The following CFI variants were observed in gnomAD, a reference collection of about 807,000 sequenced individuals.
CFI encodes the protein complement factor I, also known as C3B/C4B inactivator.
Under a neutral mutation model 78.8 loss-of-function variants are expected in CFI, and 66 were observed. That is an observed-to-expected ratio of 0.84 (90% CI 0.69 to 1.03). The LOEUF is 1.03. CFI is among the 50% of genes least tolerant of loss of function. CFI has a pLI of 0.00. For synonymous variants in CFI, 250 were observed against 232.6 expected (o/e 1.07, Z -0.68); for missense variants, 706 against 704.5 (o/e 1.00, Z -0.02).
intron 1 of CFI, among the ~76,000 whole-genome samples, chr4:109,782,378 C>T (rs1014830600): frequency 6.7e-6 from 1 of 149,262 alleles, no homozygotes; most frequent in African/African-American, 2.5e-5. Context: ...TATACACCAA[C>T]AGCGACCAAG....
intron 1 of CFI, chr4:109,793,455 T>C (rs1478440726): frequency 6.6e-6 from 1 of 152,276 alleles, no homozygotes; most frequent in Non-Finnish European, 1.5e-5. Context: ...TTCTTCATAT[T>C]ACTTCAAGTA....
intron 1 of CFI, among the ~76,000 whole-genome samples, chr4:109,771,121 G>A (rs567935462): frequency 1.3e-5 from 2 of 152,144 alleles, no homozygotes; most frequent in South Asian, 2.1e-4. Context: ...GCCAGGCGCA[G>A]TGGCTCATTC....
chr4:109,749,154 A>G, intron 10 of CFI, 64 bp downstream of exon 10: 4 of 1,367,282 alleles, frequency 2.9e-6, no homozygotes, highest in Non-Finnish European at 4.2e-6. Flanking sequence ...ATCATCTGCC[A>G]CAATCTCTAT....
At chr4:109,738,682 G>T (rs1311411402), downstream of CFI, among the ~76,000 whole-genome samples, 1 of 152,162 alleles carries the variant, frequency 6.6e-6, no homozygotes, top group East Asian at 1.9e-4. Context: ...TAGGAAGTCT[G>T]GTGCCCCCGG....
At chr4:109,778,236 C>G (rs879279714) in intron 1 of CFI, among the ~76,000 whole-genome samples, 9 of 151,948 alleles carry the variant, frequency 5.9e-5, no homozygotes, top group Admixed American at 4.6e-4. Context: ...AGACTGCTAG[C>G]AAGACTAATA....
chr4:109,744,622 C>T lies in CFI; in HGVS notation c.1429+1600G>A, dbSNP rs118137993. Among the ~76,000 whole-genome samples, 23 of 152,220 alleles carry T rather than the reference C, an allele frequency of 1.5e-4. No individual in the cohort carries two copies. The East Asian group carries it at 1.9e-3, about 13-fold the overall frequency. On this transcript the variant is annotated intron_variant, in intron 11 of 12. Transcript: ENST00000394634. ...CATCTAGTAACTTCTCCTACTCTTC[C>T]GCTTTCAGATCCAGGAGTTAAGACA... is the stretch of plus-strand genomic sequence containing the variant.
chr4:109,734,173 A>G, the CFI span, among the ~76,000 whole-genome samples: 2 of 152,176 alleles, frequency 1.3e-5, no homozygotes, highest in Non-Finnish European at 2.9e-5. Flanking sequence ...CCTGTCTTAA[A>G]TAAATGAATA....
the CFI span, among the ~76,000 whole-genome samples, chr4:109,733,236 G>A: frequency 6.6e-6 from 1 of 152,282 alleles, no homozygotes; most frequent in Non-Finnish European, 1.5e-5. Flanking sequence ...GCCTCCCAAA[G>A]TGCTGGGATT....
chr4:109,738,548 A>C (rs922056707), downstream of CFI, among the ~76,000 whole-genome samples: 1 of 152,122 alleles, frequency 6.6e-6, no homozygotes, highest in Non-Finnish European at 1.5e-5. Context: ...CCATCAAGAG[A>C]TGGGTTATTT....
chr4:109,756,011 A>T (rs1726085290), intron 7 of CFI, among the ~76,000 whole-genome samples: 1 of 152,152 alleles, frequency 6.6e-6, no homozygotes, highest in Non-Finnish European at 1.5e-5. Flanking sequence ...GTGAAAAGAA[A>T]AAAAGGAAAT....
At chr4:109,796,103 C>G (rs573316147) in intron 1 of CFI, among the ~76,000 whole-genome samples, 1 of 152,050 alleles carries the variant, frequency 6.6e-6, no homozygotes, top group Non-Finnish European at 1.5e-5. Context: ...TTTGAAAGAA[C>G]GAGAAAAGCA....
downstream of CFI, among the ~76,000 whole-genome samples, chr4:109,738,240 A>C (rs1723483910): frequency 6.6e-6 from 1 of 151,402 alleles, no homozygotes; most frequent in Non-Finnish European, 1.5e-5. Flanking sequence ...TCAGCCTTCC[A>C]AGTAGCAGGG....
At chr4:109,746,075 C>A in intron 11 of CFI, 147 bp downstream of exon 11, 2 of 953,844 alleles carry the variant, frequency 2.1e-6, no homozygotes, top group Non-Finnish European at 3.2e-6. Flanking sequence ...TGCTGCAAAC[C>A]CATGAAGCCA....
At chr4:109,763,997 A>G (rs1225883193) in intron 3 of CFI, among the ~76,000 whole-genome samples, 1 of 148,616 alleles carries the variant, frequency 6.7e-6, no homozygotes, top group East Asian at 1.9e-4. Context: ...CTATAATTAT[A>G]GTATATAAGC....
chr4:109,742,613 G>A lies in CFI; in HGVS notation c.1430-18C>T, dbSNP rs768559303. ...TTCGTTATCTAAACAAAGTGAGAAA[G>A]CAAACATTTAGAAGTCACAAATGAG... On this transcript the variant is annotated intron_variant, in intron 11 of 12. Coordinates refer to ENST00000394634, the MANE Select transcript of CFI (RefSeq NM_000204.5). The A allele has an allele frequency of 5.0e-5, 75 of 1,492,256 alleles. No individual in the cohort carries two copies. Among genetic ancestry groups the A allele is most frequent in the Non-Finnish European group, 6.5e-5 (70 of 1,069,702 alleles). 92.4% of individuals were successfully genotyped at this position (1,492,256 alleles called of 1,614,324 possible).
At position 109,761,660 on chromosome 4, in the gene CFI, G is replaced by C; in HGVS notation, c.515C>G (p.Ser172Cys). 1 of 1,613,706 alleles carries C rather than the reference G, an allele frequency of 6.2e-7. No homozygotes were observed. The highest frequency in any genetic ancestry group is 8.5e-7 in the Non-Finnish European group (1 of 1,179,744). ...TTCAGTGGAATTTATAGAGAGATCAGACAACTTAAACCTTCTTTGAGTATC... is the reference window on the plus strand; with the variant it reads ...TTCAGTGGAATTTATAGAGAGATCACACAACTTAAACCTTCTTTGAGTATC... ...GADTQRRFKL[S>C]DLSINSTECL... Residue 172 changes from serine (S) to cysteine (C), a missense_variant, in exon 4 of 13, where the codon TCT (serine) becomes TGT (cysteine). By Grantham distance (112) the Ser-to-Cys change is moderately radical. Transcript: ENST00000394634.
At chr4:109,788,430 T>A (rs1731006270) in intron 1 of CFI, among the ~76,000 whole-genome samples, 1 of 152,140 alleles carries the variant, frequency 6.6e-6, no homozygotes, top group Non-Finnish European at 1.5e-5. Flanking sequence ...CATTTTTTTC[T>A]GAGTGAAGTT....
At chr4:109,782,559 A>G (rs752418566) in intron 1 of CFI, among the ~76,000 whole-genome samples, 50 of 152,162 alleles carry the variant, frequency 3.3e-4, no homozygotes, top group Non-Finnish European at 5.3e-4. Context: ...TCCCATGCTC[A>G]TGGATGGATA....
At chr4:109,755,126 T>A (rs1268358113) in intron 7 of CFI, among the ~76,000 whole-genome samples, 1 of 152,112 alleles carries the variant, frequency 6.6e-6, no homozygotes, top group African/African-American at 2.4e-5. Context: ...GCAAAGGATG[T>A]GAACCAGTGA....
Sources: gnomAD v4.1 joint callset for allele counts (sites outside exome capture counted in the v4.1 genomes callset) on GRCh38, gnomAD v4.1.1 for gene constraint, MANE v1.5 for transcripts, NCBI Gene and HGNC (gene_info 2026-07-23, HGNC 2026-07-21) for gene names.